RFX2: variants seen among roughly 807,000 people sequenced by gnomAD.
RFX2 encodes DNA-binding protein RFX2.
RFX2 carries 20 observed loss-of-function variants against 87.8 expected under a neutral mutation model. The ratio of observed to expected loss-of-function variants is 0.23; its 90% confidence interval spans 0.16 to 0.33. The LOEUF is 0.33. RFX2 is among the 10% of genes least tolerant of loss of function. The pLI is 1.00. For synonymous variants in RFX2, 397 were observed against 431.3 expected, an observed-to-expected ratio of 0.92 and a Z score of 0.98; for missense variants, 767 against 1,012.3, an observed-to-expected ratio of 0.76 and a Z score of 3.29.
At chr19:6,058,960 C>T (rs886227697) in intron 1 of RFX2, among the ~76,000 whole-genome samples, 3 of 151,978 alleles carry the variant, frequency 2.0e-5, no homozygotes, top group Non-Finnish European at 2.9e-5. Context: ...TGGAAACACC[C>T]GTTCCTTCCC....
At position 6,039,380 on chromosome 19, in the gene RFX2, A is replaced by T. The variant is rs1018423050; in HGVS notation, c.522+600T>A. Among the ~76,000 whole-genome samples, 2 of 152,264 alleles carry T rather than the reference A, an allele frequency of 1.3e-5. No homozygotes were observed. Among genetic ancestry groups the T allele is most frequent in the African/African-American group, 4.8e-5 (2 of 41,476 alleles). Reference sequence around the variant, plus strand: ...CAATGCACTGTTCTGTGACCTGATTATACACAAATCTACCCATGTCAAAAC... The same window carrying T: ...CAATGCACTGTTCTGTGACCTGATTTTACACAAATCTACCCATGTCAAAAC... On this transcript the variant is annotated intron_variant, in intron 5 of 17. Transcript: ENST00000303657. This position sits in a 1 kb window ranked among gnomAD's most constrained non-coding sequence, Gnocchi z 5.2.
intron 1 of RFX2, among the ~76,000 whole-genome samples, chr19:6,086,478 C>T (rs560947746): frequency 6.6e-6 from 1 of 152,280 alleles, no homozygotes; most frequent in Non-Finnish European, 1.5e-5. Flanking sequence ...CCAAACATGG[C>T]TAAGCATAGA....
Position 6,074,726 on chromosome 19 carries a change from TG to T in RFX2, c.-8-27223del, listed in dbSNP as rs890065314. ...ATGGGCCAGGGGCAACAAGGTGACC[TG>T]GGGCAGTGACAGGACAGAGGCAGAG... On this transcript the variant is annotated intron_variant, in intron 1 of 17. Coordinates refer to ENST00000303657, the MANE Select transcript of RFX2 (RefSeq NM_000635.4). The surrounding 1 kb of genome is among the most constrained non-coding windows in gnomAD (Gnocchi z 5.2). Among the ~76,000 whole-genome samples, 1 of 152,108 alleles carries T rather than the reference TG, an allele frequency of 6.6e-6. No individual in the cohort carries two copies. The highest frequency in any genetic ancestry group is 1.5e-5 in the Non-Finnish European group (1 of 68,008).
At position 5,997,236 on chromosome 19, in the gene RFX2, TG is replaced by T; in HGVS notation, c.1860-24del. 1 of 1,602,064 alleles carries T rather than the reference TG, an allele frequency of 6.2e-7. No homozygotes were observed. On this transcript the variant is annotated intron_variant, in intron 15 of 17. Transcript: ENST00000303657. The surrounding 1 kb of genome is among the most constrained non-coding windows in gnomAD (Gnocchi z 4.2). The stretch of plus-strand genomic sequence containing the variant: ...GAGCTGGGGACAAGCGGACAGAGGC[TG>T]GGGACCCTCAGGGGAGCATGGAACC...
chr19:6,106,505 A>G (rs2088219518), intron 1 of RFX2, among the ~76,000 whole-genome samples: 1 of 152,196 alleles, frequency 6.6e-6, no homozygotes, highest in Non-Finnish European at 1.5e-5. Flanking sequence ...GCTGGCCTGA[A>G]TTGACATGAA....
chr19:6,059,827 G>C (rs775961919), intron 1 of RFX2, among the ~76,000 whole-genome samples: 2 of 151,896 alleles, frequency 1.3e-5, no homozygotes, highest in African/African-American at 2.4e-5. Flanking sequence ...ACCACCTGAC[G>C]CAGGATAATA....
In RFX2 at chr19:6,013,971, A is replaced by AC. The variant is rs2144704331; in HGVS notation, c.780-867dup. Among the ~76,000 whole-genome samples, 1 of 150,416 alleles carries AC rather than the reference A, an allele frequency of 6.6e-6. No homozygotes were observed. The highest frequency in any genetic ancestry group is 6.7e-5 in the Admixed American group (1 of 14,974). ...CCATTATTATTAACAACTCTTCCCC[A>AC]CCCCCTTCAATCATCTAGTAACACG... On this transcript the variant is annotated intron_variant, in intron 7 of 17. Coordinates refer to ENST00000303657, the MANE Select transcript of RFX2 (RefSeq NM_000635.4). This position sits in a 1 kb window ranked among gnomAD's most constrained non-coding sequence, Gnocchi z 4.1.
intron 1 of RFX2, among the ~76,000 whole-genome samples, chr19:6,049,945 C>T (rs149629670): frequency 6.6e-6 from 1 of 152,370 alleles, no homozygotes; most frequent in East Asian, 1.9e-4. Context: ...TGCCAGAAAG[C>T]ATCAGCCTCG....
chr19:6,007,618 G>T lies in RFX2; in HGVS notation c.1247+72C>A, dbSNP rs994039584. 1.2e-6 allele frequency: 1 copy of T among 855,022 alleles called. No homozygotes were observed. 53.0% of individuals were successfully genotyped at this position (855,022 alleles called of 1,614,324 possible). A position where few individuals can be genotyped will look rare whatever the true frequency, so the allele number is the denominator to read the frequency against. On this transcript the variant is annotated intron_variant, in intron 11 of 17. Transcript: ENST00000303657. The surrounding 1 kb of genome is among the most constrained non-coding windows in gnomAD (Gnocchi z 8.2). ...TTGGAGAGCTGAGGCTTTCGTTTGT[G>T]GGTTACCTGTGGACGTCAGCAGGGG...
At chr19:6,102,769 G>A (rs10405147) in intron 1 of RFX2, among the ~76,000 whole-genome samples, 2 of 152,238 alleles carry the variant, frequency 1.3e-5, no homozygotes, top group South Asian at 2.1e-4. Context: ...AGCCCAGTCC[G>A]CATCACACGG....
At chr19:6,043,033 T>G (rs369363104) in intron 3 of RFX2, among the ~76,000 whole-genome samples, 1 of 152,156 alleles carries the variant, frequency 6.6e-6, no homozygotes. Context: ...CCACTGAGCA[T>G]GGTATGCACT....
Position 6,021,401 on chromosome 19 carries a change from G to A in RFX2, c.597+4762C>T, listed in dbSNP as rs987634334. On this transcript the variant is annotated intron_variant, in intron 6 of 17. Coordinates refer to ENST00000303657, the MANE Select transcript of RFX2 (RefSeq NM_000635.4). This position sits in a 1 kb window ranked among gnomAD's most constrained non-coding sequence, Gnocchi z 5.7. ...CCACAATAAATAAGTAAAATGAACC[G>A]AATGAGGGCTGATGCCGAGTGCCGT... Among the ~76,000 whole-genome samples, 2 of 152,200 alleles carry A rather than the reference G, an allele frequency of 1.3e-5. No individual in the cohort carries two copies. The highest frequency in any genetic ancestry group is 2.9e-5 in the Non-Finnish European group (2 of 68,042).
rs2086421668 is a variant in RFX2 at position 5,997,006 on chromosome 19, C to G, written c.2013+54G>C. 1.3e-6 allele frequency: 2 copies of G among 1,559,918 alleles called. No individual in the cohort carries two copies. The highest frequency in any genetic ancestry group is 1.2e-5 in the South Asian group (1 of 84,762). On this transcript the variant is annotated intron_variant, in intron 16 of 17. Coordinates refer to ENST00000303657, the MANE Select transcript of RFX2 (RefSeq NM_000635.4). This position sits in a 1 kb window ranked among gnomAD's most constrained non-coding sequence, Gnocchi z 4.2. The stretch of plus-strand genomic sequence containing the variant: ...TCTGGGCTGCTCAGAGCACACCGCC[C>G]TCTCCCCACAGGCCCGGCCAAGCCC...
rs1163197088 is a variant in RFX2, at chr19:6,012,770, T to TA, written c.899+215dup. The stretch of plus-strand genomic sequence containing the variant: ...TGTTAAAAACAGTTTTAAACGGTTT[T>TA]AAAAAAAGTCTGAAAAGTTAGCTGG... On this transcript the variant is annotated intron_variant, in intron 8 of 17. Coordinates refer to ENST00000303657, the MANE Select transcript of RFX2 (RefSeq NM_000635.4). This position sits in a 1 kb window ranked among gnomAD's most constrained non-coding sequence, Gnocchi z 4.6. Among the ~76,000 whole-genome samples the TA allele has an allele frequency of 3.3e-5, 5 of 152,142 alleles. No individual in the cohort carries two copies. Among genetic ancestry groups the TA allele is most frequent in the African/African-American group, 7.2e-5 (3 of 41,418 alleles).
At chr19:6,070,258 A>G in intron 1 of RFX2, among the ~76,000 whole-genome samples, 1 of 151,810 alleles carries the variant, frequency 6.6e-6, no homozygotes, top group Non-Finnish European at 1.5e-5. Flanking sequence ...ATGGGATGGA[A>G]TGGGATGTCC....
chr19:6,053,346 G>A (rs1353674003), intron 1 of RFX2, among the ~76,000 whole-genome samples: 1 of 152,226 alleles, frequency 6.6e-6, no homozygotes, highest in African/African-American at 2.4e-5. Context: ...CAGAGAGAGG[G>A]ATGAGTAGGC....
chr19:6,060,633 G>C (rs1285359078), intron 1 of RFX2, among the ~76,000 whole-genome samples: 2 of 152,126 alleles, frequency 1.3e-5, no homozygotes, highest in Non-Finnish European at 2.9e-5. Flanking sequence ...TCTGCCCACT[G>C]TTCTTCTTGA....
At chr19:6,086,119 G>A (rs918901577) in intron 1 of RFX2, among the ~76,000 whole-genome samples, 2 of 150,112 alleles carry the variant, frequency 1.3e-5, no homozygotes, top group East Asian at 3.9e-4. Context: ...AAAAAAGGCA[G>A]GGGAGATCCA....
At position 6,024,969 on chromosome 19, in the gene RFX2, G is replaced by A. The variant is rs564343503; in HGVS notation, c.597+1194C>T. Among the ~76,000 whole-genome samples the A allele has an allele frequency of 3.9e-4, 59 of 151,972 alleles. No individual in the cohort carries two copies. The highest frequency in any genetic ancestry group is 1.3e-4 in the Non-Finnish European group (9 of 67,954). On this transcript the variant is annotated intron_variant, in intron 6 of 17. Coordinates refer to ENST00000303657, the MANE Select transcript of RFX2 (RefSeq NM_000635.4). This position sits in a 1 kb window ranked among gnomAD's most constrained non-coding sequence, Gnocchi z 5.0. ...TCACGGTGAGGACGGGAGTCAGGAC[G>A]GGATCACGGTGATGACTGGGGTCCA... is the stretch of plus-strand genomic sequence containing the variant.
Sources: gnomAD v4.1 joint callset for allele counts (sites outside exome capture counted in the v4.1 genomes callset) on GRCh38, gnomAD v4.1.1 for gene constraint, Gnocchi (gnomAD v3.1) non-coding constraint, MANE v1.5 for transcripts, NCBI Gene and HGNC (gene_info 2026-07-23, HGNC 2026-07-21) for gene names.